The following DPP10 variants were observed in gnomAD, a reference collection of about 807,000 sequenced individuals.
The protein encoded by DPP10 is inactive dipeptidyl peptidase 10.
In DPP10, 33 loss-of-function variants were observed where a neutral mutation model predicts 120.9. The ratio of observed to expected loss-of-function variants is 0.27; its 90% CI spans 0.21 to 0.37. The LOEUF is 0.37. DPP10 is among the 10% of genes least tolerant of loss of function. The pLI, the probability that DPP10 is intolerant of heterozygous loss-of-function variation, is 1.00. For missense variants in DPP10, 816 were observed against 942.8 expected (o/e 0.87, Z 1.76); for synonymous variants, 337 against 326.1 (o/e 1.03, Z -0.36).
chr2:115,246,735 C>T (rs1001722945), intron 1 of DPP10, among the ~76,000 whole-genome samples: 1 of 152,128 alleles, frequency 6.6e-6, no homozygotes, highest in Non-Finnish European at 1.5e-5. Flanking sequence ...TAGATTTGAA[C>T]TCTTATTTTA....
chr2:115,815,980 T>C (rs886583800), intron 21 of DPP10, among the ~76,000 whole-genome samples: 2 of 151,762 alleles, frequency 1.3e-5, no homozygotes, highest in African/African-American at 2.4e-5. Context: ...TGTATACATA[T>C]GTAATTACAT....
chr2:114,730,643 G>T (rs184964754), intron 1 of DPP10, among the ~76,000 whole-genome samples: 16 of 152,190 alleles, frequency 1.1e-4, no homozygotes, highest in African/African-American at 3.6e-4. Context: ...ATCCAGGCTG[G>T]AGTGCAGTGG....
At position 115,045,082 on chromosome 2, in the gene DPP10, A is replaced by T. The variant is rs11683860; in HGVS notation, c.61-264157A>T. Among the ~76,000 whole-genome samples, 146 of 152,324 alleles carry T rather than the reference A, an allele frequency of 9.6e-4. 1 individual carries two copies. The highest frequency in any genetic ancestry group is 1.6e-3 in the Non-Finnish European group (106 of 68,036). ...GTGAATAGTGCTGCAATAAATACAG[A>T]GTGCAGATATCTCTTCAGTATACTG... On this transcript the variant is annotated intron_variant, in intron 1 of 25. Coordinates refer to ENST00000410059, the MANE Select transcript of DPP10 (RefSeq NM_020868.6).
intron 5 of DPP10, among the ~76,000 whole-genome samples, chr2:115,603,608 C>T (rs2083506315): frequency 7.4e-6 from 1 of 135,758 alleles, no homozygotes; most frequent in Admixed American, 7.7e-5. Context: ...GCTCTAACCA[C>T]GTAAACCTAA....
intron 1 of DPP10, among the ~76,000 whole-genome samples, chr2:115,125,954 A>T (rs1320534680): frequency 6.6e-6 from 1 of 152,218 alleles, no homozygotes; most frequent in Non-Finnish European, 1.5e-5. Flanking sequence ...GTAAAAAGGT[A>T]CCTGTTTCAT....
intron 1 of DPP10, among the ~76,000 whole-genome samples, chr2:114,898,739 A>G (rs1023670762): frequency 6.6e-6 from 1 of 152,226 alleles, no homozygotes; most frequent in African/African-American, 2.4e-5. Flanking sequence ...TGATTTCACA[A>G]GAATGCAGCT....
At chr2:115,513,892 T>C (rs2077364342) in intron 4 of DPP10, among the ~76,000 whole-genome samples, 1 of 152,042 alleles carries the variant, frequency 6.6e-6, no homozygotes, top group African/African-American at 2.4e-5. Flanking sequence ...GACTATTTAT[T>C]GTCATTTCAT....
chr2:115,375,388 C>T (rs2065715804), intron 3 of DPP10, among the ~76,000 whole-genome samples: 1 of 152,162 alleles, frequency 6.6e-6, no homozygotes, highest in African/African-American at 2.4e-5. Context: ...CCTGAGATGA[C>T]CTCAGCCTGG....
chr2:115,046,838 A>G (rs1054487497), intron 1 of DPP10, among the ~76,000 whole-genome samples: 1 of 151,938 alleles, frequency 6.6e-6, no homozygotes, highest in African/African-American at 2.4e-5. Flanking sequence ...ATCAATTTTA[A>G]TTATTTTAGT....
chr2:115,109,924 A>G (rs900023290), intron 1 of DPP10, among the ~76,000 whole-genome samples: 1 of 152,222 alleles, frequency 6.6e-6, no homozygotes, highest in Non-Finnish European at 1.5e-5. Flanking sequence ...CAAAAACACA[A>G]GTTTGAGAAT....
chr2:115,117,488 A>G (rs146567073), intron 1 of DPP10, among the ~76,000 whole-genome samples: 2,486 of 152,178 alleles, frequency 0.016, 53 homozygotes, highest in African/African-American at 0.047. Context: ...TTCACCTATA[A>G]CCCCAGCCAC....
At chr2:115,180,968 G>A (rs973157364) in intron 1 of DPP10, among the ~76,000 whole-genome samples, 1 of 76,584 alleles carries the variant, frequency 1.3e-5, no homozygotes, top group Non-Finnish European at 4.1e-5. Context: ...AAATAAAGAA[G>A]TGAATAAAAG....
chr2:115,355,851 A>C (rs749680568), intron 3 of DPP10, among the ~76,000 whole-genome samples: 1 of 152,166 alleles, frequency 6.6e-6, no homozygotes, highest in Non-Finnish European at 1.5e-5. Flanking sequence ...GGTTTGTAAA[A>C]GATCAGATGG....
intron 3 of DPP10, among the ~76,000 whole-genome samples, chr2:115,489,805 G>A (rs181991478): frequency 2.6e-5 from 4 of 151,946 alleles, no homozygotes; most frequent in Non-Finnish European, 4.4e-5. Context: ...AATGTAACCA[G>A]ACCTTCCCTT....
At chr2:115,286,422 A>G (rs115582031) in intron 1 of DPP10, among the ~76,000 whole-genome samples, 4,274 of 143,534 alleles carry the variant, frequency 0.03, 215 homozygotes, top group African/African-American at 0.1. Flanking sequence ...ATTTTAAAAT[A>G]TGATTTATCT....
chr2:115,548,520 T>C (rs1438375886), intron 5 of DPP10, among the ~76,000 whole-genome samples: 1 of 152,034 alleles, frequency 6.6e-6, no homozygotes, highest in Non-Finnish European at 1.5e-5. Context: ...GTATAGAAAG[T>C]CAGTGATGCA....
chr2:115,715,618 A>T (rs1478531439), intron 7 of DPP10, among the ~76,000 whole-genome samples: 1 of 152,198 alleles, frequency 6.6e-6, no homozygotes, highest in Admixed American at 6.5e-5. Flanking sequence ...GCTGTGACTT[A>T]GTCGCTATTG....
intron 3 of DPP10, among the ~76,000 whole-genome samples, chr2:115,496,553 T>C (rs771114038): frequency 1.3e-5 from 2 of 152,166 alleles, no homozygotes; most frequent in Non-Finnish European, 2.9e-5. Context: ...CTATCACTCA[T>C]TTAAGATTTT....
At chr2:115,636,683 A>G (rs1201576402) in intron 5 of DPP10, among the ~76,000 whole-genome samples, 1 of 152,178 alleles carries the variant, frequency 6.6e-6, no homozygotes, top group Admixed American at 6.5e-5. Context: ...TAGTGATTCT[A>G]AGTGAGGATT....
Sources: allele counts gnomAD v4.1 joint callset (sites outside exome capture counted in the v4.1 genomes callset), GRCh38; gene constraint gnomAD v4.1.1; transcripts MANE v1.5; gene names NCBI Gene and HGNC (gene_info 2026-07-23, HGNC 2026-07-21).